Variants in ADAMTS19 observed in about 807,000 individuals in gnomAD.
ADAMTS19 encodes ADAM metallopeptidase with thrombospondin type 1 motif 19, also known as A disintegrin and metalloproteinase with thrombospondin motifs 19.
Under a neutral mutation model 153.3 loss-of-function variants are expected in ADAMTS19, and 93 were observed. The observed-to-expected ratio is 0.61, with a 90% CI of 0.51 to 0.72. The LOEUF (loss-of-function observed/expected upper bound fraction) is 0.72, where lower values mean the gene tolerates loss of function less well. ADAMTS19 is among the 30% of genes least tolerant of loss of function. The pLI is 0.00. For synonymous variants in ADAMTS19, 600 were observed against 556.6 expected, an observed-to-expected ratio of 1.08 and a Z score of -1.10; for missense variants, 1,482 against 1,552.1, an observed-to-expected ratio of 0.95 and a Z score of 0.76.
chr5:129,525,568 C>G (rs1751978083), intron 3 of ADAMTS19, among the ~76,000 whole-genome samples: 1 of 151,934 alleles, frequency 6.6e-6, no homozygotes, highest in Non-Finnish European at 1.5e-5. Flanking sequence ...CACTTGGTGG[C>G]ATGATTTCCA....
intron 2 of ADAMTS19, among the ~76,000 whole-genome samples, chr5:129,484,661 C>G (rs1750533421): frequency 1.3e-5 from 2 of 151,900 alleles, no homozygotes; most frequent in Admixed American, 6.6e-5. Flanking sequence ...GATGGAGGTT[C>G]ATTTTTTCTC....
At chr5:129,735,556 T>C (rs1757629673) in intron 22 of ADAMTS19, among the ~76,000 whole-genome samples, 1 of 136,178 alleles carries the variant, frequency 7.3e-6, no homozygotes, top group Non-Finnish European at 1.6e-5. Context: ...TCAAGAAGAA[T>C]GGGTGCATGG....
intron 3 of ADAMTS19, among the ~76,000 whole-genome samples, chr5:129,520,126 G>C (rs774602516): frequency 6.6e-6 from 1 of 152,108 alleles, no homozygotes. Context: ...AGTTTATAGA[G>C]ATCTTTCATT....
intron 2 of ADAMTS19, among the ~76,000 whole-genome samples, chr5:129,481,878 G>C (rs929231304): frequency 1.3e-5 from 2 of 152,050 alleles, no homozygotes; most frequent in Non-Finnish European, 2.9e-5. Context: ...AAGATCTCCA[G>C]GAAATTCCTT....
At position 129,642,226 on chromosome 5, in the gene ADAMTS19, A is replaced by G. The variant is rs926748373; in HGVS notation, c.1872+266A>G. On this transcript the variant is annotated intron_variant, in intron 11 of 22. Coordinates refer to ENST00000274487, the MANE Select transcript of ADAMTS19 (RefSeq NM_133638.6). ...TTGAGAGTCATATATATGCATTAAT[A>G]TAGCAAAAATGTGAATTTTTTTACT... is the stretch of plus-strand genomic sequence containing the variant. Among the ~76,000 whole-genome samples, 4 of 151,992 alleles carry G rather than the reference A, an allele frequency of 2.6e-5. No individual in the cohort carries two copies. In the East Asian group the frequency reaches 5.8e-4, roughly 22 times the overall value.
At chr5:129,568,838 T>A (rs76223865) in intron 7 of ADAMTS19, among the ~76,000 whole-genome samples, 6,898 of 150,984 alleles carry the variant, frequency 0.046, 485 homozygotes, top group African/African-American at 0.16. Flanking sequence ...AAATAAATAA[T>A]TAAACAAATC....
At chr5:129,591,294 C>CTTT (rs756970201) in intron 7 of ADAMTS19, among the ~76,000 whole-genome samples, 1 of 143,924 alleles carries the variant, frequency 6.9e-6, no homozygotes. Context: ...TAAAATTACA[C>CTTT]TTTTTTTTTT....
At chr5:129,481,804 G>T (rs1186855761) in intron 2 of ADAMTS19, among the ~76,000 whole-genome samples, 1 of 152,124 alleles carries the variant, frequency 6.6e-6, no homozygotes, top group Admixed American at 6.6e-5. Context: ...GTGTTTTCAT[G>T]GAGGTCTTTA....
In ADAMTS19 at chr5:129,701,380, A is replaced by C. The variant is rs778401179; in HGVS notation, c.2955-8A>C. 46 of 1,614,110 alleles carry C rather than the reference A, an allele frequency of 2.8e-5. 1 individual carries two copies. The highest frequency in any genetic ancestry group is 1.7e-4 in the Admixed American group (10 of 60,002). ...ACTTGTTTCCAGTGACTCTTGCTTT[A>C]CTTTCAGGTGGATGATGACAGAATG... On this transcript the variant is annotated splice_polypyrimidine_tract_variant and splice_region_variant and intron_variant, in intron 19 of 22. Coordinates refer to ENST00000274487, the MANE Select transcript of ADAMTS19 (RefSeq NM_133638.6).
chr5:129,655,167 GT>G (rs1447200902), intron 14 of ADAMTS19, among the ~76,000 whole-genome samples: 1 of 152,186 alleles, frequency 6.6e-6, no homozygotes, highest in Non-Finnish European at 1.5e-5. Flanking sequence ...GAAGAGGCAG[GT>G]TTGGGCACAG....
intron 15 of ADAMTS19, among the ~76,000 whole-genome samples, chr5:129,660,151 G>C (rs964695261): frequency 2.0e-5 from 3 of 152,132 alleles, no homozygotes; most frequent in Non-Finnish European, 2.9e-5. Flanking sequence ...AAAGATAAGT[G>C]AGACTGAACA....
chr5:129,732,491 T>G (rs1229724135), intron 21 of ADAMTS19, among the ~76,000 whole-genome samples: 1 of 152,052 alleles, frequency 6.6e-6, no homozygotes, highest in Non-Finnish European at 1.5e-5. Flanking sequence ...GGATACAAAA[T>G]CAATGTAGAA....
At chr5:129,579,041 A>T (rs2126881170) in intron 7 of ADAMTS19, among the ~76,000 whole-genome samples, 1 of 152,296 alleles carries the variant, frequency 6.6e-6, no homozygotes, top group Non-Finnish European at 1.5e-5. Flanking sequence ...TGGCTGAACT[A>T]GTTTACATTC....
chr5:129,648,445 T>A (rs1007665125), intron 12 of ADAMTS19, among the ~76,000 whole-genome samples: 5 of 152,116 alleles, frequency 3.3e-5, no homozygotes, highest in African/African-American at 1.2e-4. Context: ...TTATATGAAT[T>A]TATGTAAAAA....
At chr5:129,701,781 T>C (rs910650583) in intron 20 of ADAMTS19, among the ~76,000 whole-genome samples, 189 bp downstream of exon 20, 4 of 152,248 alleles carry the variant, frequency 2.6e-5, no homozygotes, top group Non-Finnish European at 4.4e-5. Context: ...ATTTACTTTC[T>C]ATTCTATAAA....
intron 3 of ADAMTS19, among the ~76,000 whole-genome samples, chr5:129,509,960 T>C (rs1163829569): frequency 6.6e-6 from 1 of 151,918 alleles, no homozygotes; most frequent in South Asian, 2.1e-4. Context: ...ATAAGTAGGA[T>C]CTGAAAGTCA....
At chr5:129,686,669 G>A (rs1230544950) in intron 18 of ADAMTS19, among the ~76,000 whole-genome samples, 1 of 152,076 alleles carries the variant, frequency 6.6e-6, no homozygotes, top group Non-Finnish European at 1.5e-5. Context: ...AAGGAGCATA[G>A]AGTGGGAAGG....
intron 16 of ADAMTS19, among the ~76,000 whole-genome samples, chr5:129,670,959 C>G (rs1754275851): frequency 2.6e-5 from 4 of 152,142 alleles, no homozygotes; most frequent in South Asian, 2.1e-4. Context: ...TAGCCTTAGG[C>G]CTAAGTGAGC....
chr5:129,625,017 G>GATATT (rs1316794121), intron 10 of ADAMTS19, among the ~76,000 whole-genome samples: 2 of 146,976 alleles, frequency 1.4e-5, no homozygotes, highest in African/African-American at 5.0e-5. Flanking sequence ...CCTGGTGTAT[G>GATATT]ATATTTTCCC....
Sources: allele counts gnomAD v4.1 joint callset (sites outside exome capture counted in the v4.1 genomes callset), GRCh38; gene constraint gnomAD v4.1.1; transcripts MANE v1.5; gene names NCBI Gene and HGNC (gene_info 2026-07-23, HGNC 2026-07-21).